Variants in PSMD13 observed in about 807,000 individuals in gnomAD.
The protein encoded by PSMD13 is proteasome 26S subunit, non-ATPase 13.
Under a neutral mutation model 57.4 loss-of-function variants are expected in PSMD13, and 8 were observed. The observed-to-expected ratio is 0.14, with a 90% confidence interval of 0.08 to 0.25. The LOEUF (loss-of-function observed/expected upper bound fraction) is 0.25. PSMD13 is among the 10% of genes least tolerant of loss of function. The probability of loss-of-function intolerance (pLI) is 1.00; values close to 1 mark genes in which losing one functional copy is unlikely to be tolerated. For missense variants in PSMD13, 400 were observed against 461.5 expected, an observed-to-expected ratio of 0.87 and a Z score of 1.22; for synonymous variants, 193 against 168.2, an observed-to-expected ratio of 1.15 and a Z score of -1.14.
intron 2 of PSMD13, among the ~76,000 whole-genome samples, chr11:240,101 CTTTTTTT>C (rs60869932): frequency 1.2e-4 from 6 of 51,428 alleles, no homozygotes; most frequent in Admixed American, 6.9e-4. Context: ...ATGAGACCTG[CTTTTTTT>C]TTTTTTTTTT....
intron 2 of PSMD13, chr11:243,446 C>T (rs1859560229): frequency 3.4e-6 from 1 of 296,658 alleles, no homozygotes; most frequent in Non-Finnish European, 6.7e-6. Context: ...CCACAATGGT[C>T]TTATTATTTA....
chr11:239,653 T>C (rs1168508976), intron 2 of PSMD13, among the ~76,000 whole-genome samples: 1 of 152,144 alleles, frequency 6.6e-6, no homozygotes, highest in Non-Finnish European at 1.5e-5. Context: ...TCCTGTATAG[T>C]GTCATGCTGC....
rs28927679 is a variant in PSMD13, at chr11:247,329, C to T, written c.449C>T (p.Ser150Leu). 8.0e-3 allele frequency: 12,962 copies of T among 1,613,980 alleles called. 75 individuals are homozygous for T. The highest frequency in any genetic ancestry group is 8.8e-3 in the Non-Finnish European group (10,402 of 1,179,938). ...CTCAACAACCTTCCTGGTGTGACATCGGTTCACAGTCGTTTCTATGATCTC... is the reference window on the plus strand; with the variant it reads ...CTCAACAACCTTCCTGGTGTGACATTGGTTCACAGTCGTTTCTATGATCTC... ...EMLNNLPGVT[S>L]VHSRFYDLSS... The change falls in exon 7 of 13, where the codon TCG becomes TTG. Residue 150 changes from serine (S) to leucine (L), a missense_variant. By Grantham distance (145) the Ser-to-Leu change is moderately radical. Coordinates refer to ENST00000532097, the MANE Select transcript of PSMD13 (RefSeq NM_002817.4).
rs60869932 is a variant in PSMD13 at position 240,101 on chromosome 11, CTTTT to C, written c.174+1049_174+1052del. ...GTGGGAAAATGATAAATGAGACCTG[CTTTT>C]TTTTTTTTTTTTTTTTTTTTTTTGA... is the stretch of plus-strand genomic sequence containing the variant. On this transcript the variant is annotated intron_variant, in intron 2 of 12. Coordinates refer to ENST00000532097, the MANE Select transcript of PSMD13 (RefSeq NM_002817.4). Among the ~76,000 whole-genome samples, 12 of 51,428 alleles carry C rather than the reference CTTTT, an allele frequency of 2.3e-4. No individual in the cohort carries two copies. The East Asian group carries it at 3.8e-3, about 16-fold the overall frequency. The allele number at this position is 51,428 out of a possible 152,430, so 33.7% of individuals were successfully genotyped here.
Position 252,824 on chromosome 11 carries a change from C to T in PSMD13, c.*224C>T, listed in dbSNP as rs533516578. On this transcript the variant is annotated 3_prime_UTR_variant, in exon 13 of 13. Transcript: ENST00000532097. This position sits in a 1 kb window ranked among gnomAD's most constrained non-coding sequence, Gnocchi z 4.1. ...TCTCTCCTGCAGAGGGTGGGGGTCT[C>T]AGGGTCTTAGGTGATACGGGAGAGA... 96 of 525,736 alleles carry T rather than the reference C, an allele frequency of 1.8e-4. No homozygotes were observed. The highest frequency in any genetic ancestry group is 3.1e-4 in the Non-Finnish European group (90 of 290,270). 32.6% of individuals were successfully genotyped at this position (525,736 alleles called of 1,614,324 possible). A position where few individuals can be genotyped will look rare whatever the true frequency, so the allele number is the denominator to read the frequency against.
chr11:247,141 C>A, intron 6 of PSMD13, 136 bp from the exon 7 acceptor site: 1 of 766,844 alleles, frequency 1.3e-6, no homozygotes, highest in Non-Finnish European at 2.0e-6. Context: ...CCAGCTACTA[C>A]AGAGGCTGAG....
chr11:252,460 C>A lies in PSMD13; in HGVS notation c.1036-45C>A, dbSNP rs745767163. 6.3e-7 allele frequency: 1 copy of A among 1,592,778 alleles called. No homozygotes were observed. Among genetic ancestry groups the A allele is most frequent in the Non-Finnish European group, 8.6e-7 (1 of 1,160,932 alleles). ...GCTGTGCCGGCCGCTCGGCCTGTGT[C>A]TCCTGCGTGTCTTAACGTCCCTTGT... On this transcript the variant is annotated intron_variant, in intron 12 of 12. Transcript: ENST00000532097. This position sits in a 1 kb window ranked among gnomAD's most constrained non-coding sequence, Gnocchi z 4.1.
intron 6 of PSMD13, among the ~76,000 whole-genome samples, chr11:246,676 C>T (rs1344762281): frequency 6.6e-6 from 1 of 152,160 alleles, no homozygotes; most frequent in Non-Finnish European, 1.5e-5. Context: ...CCCTCAGCAC[C>T]ATATGAGTAC....
intron 5 of PSMD13, 41 bp from the exon 6 acceptor site, chr11:244,634 C>A: frequency 6.3e-7 from 1 of 1,576,760 alleles, no homozygotes; most frequent in Non-Finnish European, 8.7e-7. Context: ...AGTCAACTGC[C>A]CACATTCTGA....
At chr11:248,902 G>A in intron 8 of PSMD13, 30 bp from the exon 9 acceptor site, 2 of 1,614,126 alleles carry the variant, frequency 1.2e-6, no homozygotes, top group Non-Finnish European at 1.7e-6. Context: ...AGACTAAAGT[G>A]TTACTAGCTG....
chr11:242,444 T>C (rs1859534678), intron 2 of PSMD13, among the ~76,000 whole-genome samples: 1 of 151,946 alleles, frequency 6.6e-6, no homozygotes, highest in East Asian at 1.9e-4. Flanking sequence ...GTATTTCAAA[T>C]CTAATTGAAA....
At chr11:243,193 A>G (rs1018886225) in intron 2 of PSMD13, 167 of 619,968 alleles carry the variant, frequency 2.7e-4, no homozygotes, top group Middle Eastern at 1.0e-3. Flanking sequence ...TAATTTAGGT[A>G]TCATTTATGC....
Position 251,893 on chromosome 11 carries a change from T to G in PSMD13, c.992T>G (p.Val331Gly). The G allele has an allele frequency of 1.9e-6, 3 of 1,614,084 alleles. No homozygotes were observed. The highest frequency in any genetic ancestry group is 2.5e-6 in the Non-Finnish European group (3 of 1,179,974). ...KGSIDEVDKR[V>G]HMTWVQPRVL... ...AGTATAGACGAGGTGGACAAACGAGTCCACATGACCTGGGTGCAGCCCCGA... is the reference window on the plus strand; with the variant it reads ...AGTATAGACGAGGTGGACAAACGAGGCCACATGACCTGGGTGCAGCCCCGA... The change falls in exon 12 of 13, where the codon GTC (valine) becomes GGC (glycine). Residue 331 changes from valine (V) to glycine (G), a missense_variant. Physicochemically the swap from Val to Gly is moderately radical, Grantham distance 109. Coordinates refer to ENST00000532097, the MANE Select transcript of PSMD13 (RefSeq NM_002817.4). The surrounding 1 kb of genome is among the most constrained non-coding windows in gnomAD (Gnocchi z 4.6).
chr11:244,443 A>G lies in PSMD13; in HGVS notation c.283A>G (p.Thr95Ala), dbSNP rs1198996921. ...TTTTCCAGATCCTAATGTGGCTCTT[A>G]CTTTTCTGGAAAAGACTCGTGAGAA... ...RQMTDPNVAL[T>A]FLEKTREKVK... The change falls in exon 5 of 13, where the codon ACT (threonine) becomes GCT (alanine). Residue 95 changes from threonine to alanine, a missense_variant. Physicochemically the swap from Thr to Ala is moderately conservative, Grantham distance 58. Coordinates refer to ENST00000532097, the MANE Select transcript of PSMD13 (RefSeq NM_002817.4). 7 of 1,610,860 alleles carry G rather than the reference A, an allele frequency of 4.3e-6. No individual in the cohort carries two copies. The highest frequency in any genetic ancestry group is 5.9e-6 in the Non-Finnish European group (7 of 1,177,346).
chr11:238,322 A>T (rs1859422143), intron 1 of PSMD13, among the ~76,000 whole-genome samples: 1 of 152,244 alleles, frequency 6.6e-6, no homozygotes, highest in African/African-American at 2.4e-5. Flanking sequence ...CCTTTGAGTT[A>T]ATCTAGATTA....
Position 247,384 on chromosome 11 carries a change from C to G in PSMD13, c.504C>G (p.Asn168Lys), listed in dbSNP as rs1478609351. ...GTAAATACTATCAAACAATCGGAAA[C>G]CACGCGTCCTACTACAAAGATGCTC... is the stretch of plus-strand genomic sequence containing the variant. The part of the protein sequence containing the change: ...LSSKYYQTIG[N>K]HASYYKDALR... Residue 168 changes from asparagine to lysine, a missense_variant, in exon 7 of 13, where the codon AAC (asparagine) becomes AAG (lysine). Transcript: ENST00000532097. 1 of 1,563,556 alleles carries G rather than the reference C, an allele frequency of 6.4e-7. No individual in the cohort carries two copies. Among genetic ancestry groups the G allele is most frequent in the East Asian group, 2.4e-5 (1 of 41,154 alleles).
chr11:240,022 T>G (rs73394732), intron 2 of PSMD13, among the ~76,000 whole-genome samples: 9,457 of 150,604 alleles, frequency 0.063, 962 homozygotes, highest in African/African-American at 0.22. Flanking sequence ...CAGAGGAACT[T>G]ACAATCATCT....
chr11:250,529 A>G (rs78432900), intron 9 of PSMD13, among the ~76,000 whole-genome samples: 111 of 152,314 alleles, frequency 7.3e-4, no homozygotes, highest in Non-Finnish European at 1.4e-3. Context: ...GCCCTGCCTA[A>G]TGGTGTCTGT....
intron 9 of PSMD13, 148 bp from the exon 10 acceptor site, chr11:250,655 G>C (rs1859749959): frequency 1.6e-6 from 1 of 645,044 alleles, no homozygotes; most frequent in East Asian, 2.8e-5. Context: ...TTGTTAATGA[G>C]CTTCAGCAGT....
Sources: allele counts gnomAD v4.1 joint callset (sites outside exome capture counted in the v4.1 genomes callset), GRCh38; gene constraint gnomAD v4.1.1; non-coding constraint Gnocchi (gnomAD v3.1); transcripts MANE v1.5; gene names NCBI Gene and HGNC (gene_info 2026-07-23, HGNC 2026-07-21).